The following NRG1 variants were observed in gnomAD, a reference collection of about 807,000 sequenced individuals.
The protein encoded by NRG1 is neuregulin 1.
Under a neutral mutation model 63.8 loss-of-function variants are expected in NRG1, and 18 were observed. That is an observed-to-expected ratio of 0.28 (90% confidence interval 0.19 to 0.42). NRG1 has a LOEUF of 0.42. Ranked by LOEUF, NRG1 falls within the 10% of genes least tolerant of loss-of-function variation. NRG1 has a pLI of 1.00. For synonymous variants in NRG1, 302 were observed against 301.3 expected, an observed-to-expected ratio of 1.00 and a Z score of -0.02; for missense variants, 762 against 814.7, an observed-to-expected ratio of 0.94 and a Z score of 0.79.
intron 1 of NRG1, among the ~76,000 whole-genome samples, chr8:32,290,338 C>T (rs1305182580): frequency 2.0e-5 from 3 of 151,656 alleles, no homozygotes; most frequent in African/African-American, 7.3e-5. Context: ...ATTATGTATA[C>T]AATTATATAT....
At chr8:32,388,446 A>T (rs1465238328) in intron 1 of NRG1, among the ~76,000 whole-genome samples, 1 of 152,126 alleles carries the variant, frequency 6.6e-6, no homozygotes, top group Non-Finnish European at 1.5e-5. Context: ...GGCTCTCTGG[A>T]GGTGTTTCAT....
chr8:32,351,207 T>TTTC (rs10644311), intron 1 of NRG1, among the ~76,000 whole-genome samples: 77,742 of 151,712 alleles, frequency 0.51, 20,901 homozygotes, highest in Non-Finnish European at 0.61. Context: ...TCATACCCCT[T>TTTC]TTCTCTTTTT....
chr8:32,228,178 T>C (rs1371237106), intron 1 of NRG1, among the ~76,000 whole-genome samples: 1 of 152,206 alleles, frequency 6.6e-6, no homozygotes, highest in Non-Finnish European at 1.5e-5. Flanking sequence ...TGATACCTTA[T>C]ATTTACTATT....
intron 1 of NRG1, among the ~76,000 whole-genome samples, chr8:31,767,315 T>A (rs1448250608): frequency 6.6e-6 from 1 of 152,230 alleles, no homozygotes; most frequent in African/African-American, 2.4e-5. Context: ...TTAAAATGTG[T>A]GGCAGAACAT....
At chr8:31,903,507 C>A (rs1724729494) in intron 1 of NRG1, among the ~76,000 whole-genome samples, 1 of 152,016 alleles carries the variant, frequency 6.6e-6, no homozygotes, top group Admixed American at 6.6e-5. Flanking sequence ...AGAGTCTAAC[C>A]ATCTCCATTG....
chr8:31,984,569 G>A (rs528634891), intron 1 of NRG1, among the ~76,000 whole-genome samples: 2 of 152,190 alleles, frequency 1.3e-5, no homozygotes, highest in South Asian at 2.1e-4. Context: ...CCCATTTTCT[G>A]TGTCTGGACA....
At chr8:32,320,247 C>A (rs1350879898) in intron 1 of NRG1, among the ~76,000 whole-genome samples, 1 of 152,104 alleles carries the variant, frequency 6.6e-6, no homozygotes, top group East Asian at 1.9e-4. Context: ...CCTCTTCCTT[C>A]CATGTGCAAA....
Position 31,678,258 on chromosome 8 carries a change from T to C in NRG1, c.37+38827T>C, listed in dbSNP as rs114707256. On this transcript the variant is annotated intron_variant, in intron 1 of 10. Transcript: ENST00000519301. ...TAGGAAAGGCTACATACTTATTCTATGCCCCTTTATCCCCTAGCCTCTGAA... is the reference window on the plus strand; with the variant it reads ...TAGGAAAGGCTACATACTTATTCTACGCCCCTTTATCCCCTAGCCTCTGAA... Among the ~76,000 whole-genome samples the C allele has an allele frequency of 8.0e-3, 1,212 of 152,244 alleles. 11 individuals are homozygous for C. Among genetic ancestry groups the C allele is most frequent in the African/African-American group, 0.027 (1,141 of 41,564 alleles).
chr8:32,375,407 T>C (rs1167426407), intron 1 of NRG1, among the ~76,000 whole-genome samples: 1 of 152,210 alleles, frequency 6.6e-6, no homozygotes, highest in Non-Finnish European at 1.5e-5. Context: ...TACTAAAATA[T>C]ATTCTTAAAA....
chr8:32,011,829 G>A (rs1051824965), intron 1 of NRG1, among the ~76,000 whole-genome samples: 7 of 152,078 alleles, frequency 4.6e-5, no homozygotes, highest in Admixed American at 1.3e-4. Context: ...GATATTAAAC[G>A]AGACTTTTTC....
intron 1 of NRG1, among the ~76,000 whole-genome samples, chr8:32,054,833 A>AT (rs1449723413): frequency 7.9e-6 from 1 of 126,812 alleles, no homozygotes; most frequent in Non-Finnish European, 1.7e-5. Flanking sequence ...AAAAGCAAGC[A>AT]TTTCCCTTGA....
intron 7 of NRG1, chr8:32,749,433 C>G: frequency 2.1e-6 from 2 of 930,610 alleles, no homozygotes; most frequent in Non-Finnish European, 3.5e-6. Flanking sequence ...CACCATTTGT[C>G]TGGTTCAATG....
intron 7 of NRG1, among the ~76,000 whole-genome samples, chr8:32,773,496 C>T (rs576061496): frequency 1.8e-4 from 27 of 152,286 alleles, no homozygotes; most frequent in Admixed American, 1.2e-3. Flanking sequence ...AGCCACATTT[C>T]ACCCACTGAT....
chr8:32,278,324 GA>G lies in NRG1; in HGVS notation c.38-317497del, dbSNP rs201613396. Among the ~76,000 whole-genome samples the G allele has an allele frequency of 3.8e-3, 578 of 152,122 alleles. 4 individuals carry two copies. Among genetic ancestry groups the G allele is most frequent in the Admixed American group, 0.012 (184 of 15,280 alleles). ...AGTGAAAAATAGAGCAATTTGGGGG[GA>G]AAAAAAGTTGAGAAACCCCAATCTT... On this transcript the variant is annotated intron_variant, in intron 1 of 10. Transcript: ENST00000519301.
intron 2 of NRG1, among the ~76,000 whole-genome samples, chr8:32,597,977 C>T (rs1301776069): frequency 1.3e-5 from 2 of 152,150 alleles, no homozygotes; most frequent in African/African-American, 4.8e-5. Context: ...TGCTTTTCAT[C>T]AGACAAGTTA....
At chr8:32,326,521 C>T (rs6984471) in intron 1 of NRG1, among the ~76,000 whole-genome samples, 468 of 152,104 alleles carry the variant, frequency 3.1e-3, no homozygotes, top group African/African-American at 1.0e-2. Flanking sequence ...GACATGGTCT[C>T]ACTATGTTGC....
chr8:31,837,318 C>A (rs1825769350), intron 1 of NRG1, among the ~76,000 whole-genome samples: 1 of 151,814 alleles, frequency 6.6e-6, no homozygotes, highest in Non-Finnish European at 1.5e-5. Flanking sequence ...AATTGAGAGA[C>A]CTTCCTCATT....
intron 1 of NRG1, among the ~76,000 whole-genome samples, chr8:31,976,353 G>A (rs1808174471): frequency 6.6e-6 from 1 of 152,006 alleles, no homozygotes; most frequent in African/African-American, 2.4e-5. Context: ...AGGTTTCTGA[G>A]CTATTTTTGT....
At position 31,855,107 on chromosome 8, in the gene NRG1, T is replaced by C. The variant is rs866349422; in HGVS notation, c.37+215676T>C. ...TATTCTGTTGATTTGGGGTGGAGAG[T>C]TCTGTAGATGTCTATTAGGTCTGCT... is the stretch of plus-strand genomic sequence containing the variant. On this transcript the variant is annotated intron_variant, in intron 1 of 10. Transcript: ENST00000519301. 2.7e-4 allele frequency among the ~76,000 whole-genome samples: 41 copies of C among 151,870 alleles called. No homozygotes were observed. The South Asian group carries it at 4.2e-3, about 15-fold the overall frequency.
Sources: allele counts gnomAD v4.1 joint callset (sites outside exome capture counted in the v4.1 genomes callset), GRCh38; gene constraint gnomAD v4.1.1; transcripts MANE v1.5; gene names NCBI Gene and HGNC (gene_info 2026-07-23, HGNC 2026-07-21).